The following MYOM2 variants were observed in gnomAD, a reference collection of about 807,000 sequenced individuals.
MYOM2 encodes the protein myomesin-2.
MYOM2 carries 254 observed loss-of-function variants against 187.6 expected under a neutral mutation model. The ratio of observed to expected loss-of-function variants is 1.35; its 90% confidence interval spans 1.22 to 1.50. MYOM2 has a LOEUF of 1.50. Among genes scored for constraint, MYOM2 ranks in the 40% most tolerant of loss-of-function variants. The pLI is 0.00. For synonymous variants in MYOM2, 981 were observed against 753.8 expected, an observed-to-expected ratio of 1.30 and a Z score of -4.94; for missense variants, 2,796 against 1,924.0, an observed-to-expected ratio of 1.45 and a Z score of -8.48.
chr8:2,053,542 G>T (rs1279812486), intron 3 of MYOM2, among the ~76,000 whole-genome samples: 2 of 152,220 alleles, frequency 1.3e-5, no homozygotes, highest in Non-Finnish European at 2.9e-5. Flanking sequence ...TGGTAAAATG[G>T]TAACAGTGAG....
rs1468534581 is a variant in MYOM2, at chr8:2,145,415, C to G, written c.*434C>G. 2 of 209,502 alleles carry G rather than the reference C, an allele frequency of 9.5e-6. No individual in the cohort carries two copies. The highest frequency in any genetic ancestry group is 1.9e-5 in the Non-Finnish European group (2 of 107,908). The allele number at this position is 209,502 out of a possible 1,614,324, so 13.0% of individuals were successfully genotyped here. On this transcript the variant is annotated 3_prime_UTR_variant, in exon 37 of 37. Transcript: ENST00000262113. ...TTGAAGCATGTGTTACCTGGTTAAG[C>G]TTGTTTTCTCTTGCTTTAGGCAAAT... is the stretch of plus-strand genomic sequence containing the variant.
chr8:2,141,471 C>A (rs974413647), intron 34 of MYOM2, among the ~76,000 whole-genome samples: 3 of 152,192 alleles, frequency 2.0e-5, no homozygotes, highest in Admixed American at 6.5e-5. Context: ...GATTAACAGT[C>A]AAAGACAGGT....
At chr8:2,082,600 A>G (rs1819667166) in intron 13 of MYOM2, among the ~76,000 whole-genome samples, 1 of 152,182 alleles carries the variant, frequency 6.6e-6, no homozygotes, top group East Asian at 1.9e-4. Context: ...TTGCCTTACC[A>G]TCAACCCAAC....
intron 20 of MYOM2, among the ~76,000 whole-genome samples, chr8:2,101,393 CA>C (rs1235194190): frequency 1.3e-5 from 2 of 152,274 alleles, no homozygotes; most frequent in African/African-American, 4.8e-5. Flanking sequence ...AAACTAACCA[CA>C]AAAAATAAAG....
chr8:2,079,488 C>T (rs1281203771), intron 12 of MYOM2, 72 bp from the exon 13 acceptor site: 1 of 1,465,710 alleles, frequency 6.8e-7, no homozygotes, highest in Non-Finnish European at 9.6e-7. Context: ...AGAGCTGGCA[C>T]AGAATGAGGG....
intron 14 of MYOM2, among the ~76,000 whole-genome samples, chr8:2,086,431 CTGCG>C (rs1362322029): frequency 7.0e-5 from 10 of 142,728 alleles, no homozygotes; most frequent in South Asian, 6.7e-4. Flanking sequence ...GTTGTGATCT[CTGCG>C]TGGCCCCCTA....
chr8:2,132,625 C>T (rs921038928), intron 32 of MYOM2, among the ~76,000 whole-genome samples: 1 of 152,044 alleles, frequency 6.6e-6, no homozygotes, highest in Non-Finnish European at 1.5e-5. Flanking sequence ...CTTGCTCTGT[C>T]ACCCGGGCTG....
chr8:2,059,184 G>C lies in MYOM2; in HGVS notation c.592G>C (p.Ala198Pro). The change falls in exon 6 of 37, where the codon GCT (alanine) becomes CCT (proline). Residue 198 changes from alanine to proline, a missense_variant. Physicochemically the swap from Ala to Pro is conservative, Grantham distance 27. Coordinates refer to ENST00000262113, the MANE Select transcript of MYOM2 (RefSeq NM_003970.4). ...YKDGSLICQAAEPGKYRIESN... is the reference protein window; with the variant it reads ...YKDGSLICQAPEPGKYRIESN... The stretch of plus-strand genomic sequence containing the variant: ...AGATGGCAGTCTGATTTGCCAGGCG[G>C]CTGAACCGGGAAAGTACAGGATTGA... The C allele has an allele frequency of 6.2e-7, 1 of 1,614,162 alleles. No individual in the cohort carries two copies. The highest frequency in any genetic ancestry group is 8.5e-7 in the Non-Finnish European group (1 of 1,180,036).
At chr8:2,138,936 C>T (rs78846065) in intron 32 of MYOM2, among the ~76,000 whole-genome samples, 5,008 of 147,090 alleles carry the variant, frequency 0.034, 503 homozygotes, top group African/African-American at 0.11. Flanking sequence ...ACTTTCTATC[C>T]GGACAGACTC....
rs146059232 is a variant in MYOM2, at chr8:2,059,376, G to A, written c.653+131G>A. The A allele has an allele frequency of 2.8e-5, 19 of 679,570 alleles. No individual in the cohort carries two copies. The East Asian group carries it at 3.8e-4, about 14-fold the overall frequency. 42.1% of individuals were successfully genotyped at this position (679,570 alleles called of 1,614,324 possible). ...TTTGCACCCCGGGTGACTTTAAATA[G>A]CATTTATGAGTTAATGGTACTGGTG... On this transcript the variant is annotated intron_variant, in intron 6 of 36. Transcript: ENST00000262113.
intron 14 of MYOM2, among the ~76,000 whole-genome samples, chr8:2,087,793 A>T (rs919719233): frequency 2.0e-5 from 3 of 151,826 alleles, no homozygotes; most frequent in Non-Finnish European, 4.4e-5. Flanking sequence ...TGATTTTTAA[A>T]TTTTTTTTAT....
chr8:2,108,495 C>G (rs543562235), intron 23 of MYOM2, among the ~76,000 whole-genome samples: 1 of 152,248 alleles, frequency 6.6e-6, no homozygotes, highest in East Asian at 1.9e-4. Context: ...AACCTTTCGT[C>G]TTCCAAGTCT....
chr8:2,086,504 C>CGTGATCTCTGCGTGGCCTCCCACTGTT lies in MYOM2; in HGVS notation c.1644+1131_1644+1132insTCCCACTGTTGTGATCTCTGCGTGGCC, dbSNP rs1796077864. Among the ~76,000 whole-genome samples, 47 of 85,472 alleles carry CGTGATCTCTGCGTGGCCTCCCACTGTT rather than the reference C, an allele frequency of 5.5e-4. 2 individuals carry two copies. The highest frequency in any genetic ancestry group is 1.5e-3 in the African/African-American group (44 of 29,960). The allele number at this position is 85,472 out of a possible 152,430, so 56.1% of individuals were successfully genotyped here. A position where few individuals can be genotyped will look rare whatever the true frequency, so the allele number is the denominator to read the frequency against. The stretch of plus-strand genomic sequence containing the variant: ...TGATCTCTGTGTGGCCCCCCACTGT[C>CGTGATCTCTGCGTGGCCTCCCACTGTT]GTGATCTCTGCGTGGCCCCACACTG... On this transcript the variant is annotated intron_variant, in intron 14 of 36. Coordinates refer to ENST00000262113, the MANE Select transcript of MYOM2 (RefSeq NM_003970.4).
chr8:2,144,654 C>G lies in MYOM2; in HGVS notation c.4081-10C>G, dbSNP rs200851248. 1.6e-4 allele frequency: 252 copies of G among 1,612,194 alleles called. 2 individuals are homozygous for G. The Admixed American group carries it at 4.2e-3, about 27-fold the overall frequency. On this transcript the variant is annotated splice_polypyrimidine_tract_variant and intron_variant, in intron 36 of 36. Transcript: ENST00000262113. ...ACTCTTCCTTCTCCACCAACCTCTTCCGTCCAAAGACCTTGAATCTGACCT... is the reference window on the plus strand; with the variant it reads ...ACTCTTCCTTCTCCACCAACCTCTTGCGTCCAAAGACCTTGAATCTGACCT...
At chr8:2,136,326 A>C (rs1361342192) in intron 32 of MYOM2, among the ~76,000 whole-genome samples, 2 of 151,382 alleles carry the variant, frequency 1.3e-5, no homozygotes, top group Admixed American at 1.3e-4. Flanking sequence ...CCCTGATCCC[A>C]GGGTGGCAGC....
intron 32 of MYOM2, among the ~76,000 whole-genome samples, chr8:2,138,535 T>G (rs547240998): frequency 6.6e-6 from 1 of 152,182 alleles, no homozygotes. Context: ...AATTAACATA[T>G]TGTGAAGGGC....
At chr8:2,126,901 G>T (rs577835421) in intron 31 of MYOM2, among the ~76,000 whole-genome samples, 168 of 148,728 alleles carry the variant, frequency 1.1e-3, no homozygotes, top group African/African-American at 4.1e-3. Context: ...GGCTGATGGA[G>T]GCTGGGGGAG....
At chr8:2,085,602 C>T (rs536049469) in intron 14 of MYOM2, among the ~76,000 whole-genome samples, 66 of 5,888 alleles carry the variant, frequency 0.011, 20 homozygotes, top group South Asian at 0.039. Context: ...GCCCCACTGT[C>T]GTGATCTCTG....
At chr8:2,100,478 G>T (rs1248518532) in intron 19 of MYOM2, 1 of 228,494 alleles carries the variant, frequency 4.4e-6, no homozygotes, top group Admixed American at 5.0e-5. Context: ...GGACAGGGCT[G>T]CAGTGATGTG....
Sources: gnomAD v4.1 joint callset for allele counts (sites outside exome capture counted in the v4.1 genomes callset) on GRCh38, gnomAD v4.1.1 for gene constraint, MANE v1.5 for transcripts, NCBI Gene and HGNC (gene_info 2026-07-23, HGNC 2026-07-21) for gene names.